The following UQCRC2 variants were observed in gnomAD, a reference collection of about 807,000 sequenced individuals.
The protein encoded by UQCRC2 is cytochrome b-c1 complex subunit 2, mitochondrial.
UQCRC2 carries 49 observed loss-of-function variants against 55.6 expected under a neutral mutation model. That is an observed-to-expected ratio of 0.88 (90% CI 0.70 to 1.12). The LOEUF (loss-of-function observed/expected upper bound fraction) is 1.12. Ranked by LOEUF, UQCRC2 falls within the 50% of genes most tolerant of loss-of-function variation. The probability of loss-of-function intolerance (pLI) is 0.00; values close to 1 mark genes in which losing one functional copy is unlikely to be tolerated. For synonymous variants in UQCRC2, 193 were observed against 192.0 expected, an observed-to-expected ratio of 1.01 and a Z score of -0.04; for missense variants, 506 against 547.8, an observed-to-expected ratio of 0.92 and a Z score of 0.76.
At chr16:21,958,999 A>T (rs938035636) in intron 4 of UQCRC2, among the ~76,000 whole-genome samples, 1 of 152,236 alleles carries the variant, frequency 6.6e-6, no homozygotes, top group African/African-American at 2.4e-5. Flanking sequence ...CCTTAATTTT[A>T]AAATATTTTA....
At chr16:21,977,595 A>C (rs1033355184) in intron 12 of UQCRC2, among the ~76,000 whole-genome samples, 3 of 152,228 alleles carry the variant, frequency 2.0e-5, no homozygotes, top group African/African-American at 7.2e-5. Flanking sequence ...CTCCTAATTC[A>C]TTAGTAGTTC....
chr16:21,981,072 A>G (rs1315979188), intron 13 of UQCRC2, among the ~76,000 whole-genome samples: 1 of 152,208 alleles, frequency 6.6e-6, no homozygotes, highest in African/African-American at 2.4e-5. Context: ...AAGAAGAGTC[A>G]AATATTAGCA....
At chr16:21,974,850 TGGAAGATATTG>T in intron 11 of UQCRC2, among the ~76,000 whole-genome samples, 1 of 152,250 alleles carries the variant, frequency 6.6e-6, no homozygotes, top group Non-Finnish European at 1.5e-5. Context: ...AGGCTAATAT[TGGAAGATATTG>T]GGAAGATGGG....
At chr16:21,976,434 C>CGCCTG in intron 12 of UQCRC2, 191 bp downstream of exon 12, 1 of 487,530 alleles carries the variant, frequency 2.1e-6, no homozygotes, top group Non-Finnish European at 3.6e-6. Flanking sequence ...CAGTGGCTCA[C>CGCCTG]TAATCCCAGC....
chr16:21,957,101 C>T, intron 1 of UQCRC2, 134 bp from the exon 2 acceptor site: 1 of 694,056 alleles, frequency 1.4e-6, no homozygotes, highest in Non-Finnish European at 2.4e-6. Flanking sequence ...GCAGGTAAAT[C>T]CTCCCATGGA....
intron 7 of UQCRC2, among the ~76,000 whole-genome samples, chr16:21,966,713 A>G (rs1427810290): frequency 1.3e-5 from 2 of 152,250 alleles, no homozygotes; most frequent in Non-Finnish European, 2.9e-5. Flanking sequence ...AGCCGTTTTC[A>G]TAAGACTGGA....
intron 7 of UQCRC2, among the ~76,000 whole-genome samples, chr16:21,966,537 C>T (rs1248957860): frequency 6.6e-6 from 1 of 152,142 alleles, no homozygotes; most frequent in Non-Finnish European, 1.5e-5. Flanking sequence ...ATATCTGACT[C>T]AAAAATTCAA....
chr16:21,954,776 G>T (rs1898062747), intron 1 of UQCRC2, among the ~76,000 whole-genome samples: 1 of 152,040 alleles, frequency 6.6e-6, no homozygotes, highest in Non-Finnish European at 1.5e-5. Flanking sequence ...GAGCGCGATG[G>T]CTCACACCTG....
intron 13 of UQCRC2, 151 bp from the exon 14 acceptor site, chr16:21,982,937 C>G: frequency 1.4e-6 from 1 of 705,442 alleles, no homozygotes; most frequent in Non-Finnish European, 2.3e-6. Flanking sequence ...GCACTCCACA[C>G]TGGGTGACAG....
chr16:21,974,022 T>TCC, intron 11 of UQCRC2, 46 bp downstream of exon 11: 1 of 1,435,346 alleles, frequency 7.0e-7, no homozygotes, highest in Admixed American at 2.4e-5. Flanking sequence ...AAGTTATTTC[T>TCC]CCCCCCCGCC....
At chr16:21,979,924 C>T (rs969665513) in intron 12 of UQCRC2, among the ~76,000 whole-genome samples, 2 of 152,142 alleles carry the variant, frequency 1.3e-5, no homozygotes, top group Non-Finnish European at 2.9e-5. Flanking sequence ...TTTTCCTAGG[C>T]TAGTGATATG....
intron 8 of UQCRC2, among the ~76,000 whole-genome samples, chr16:21,970,896 A>G (rs1174154381): frequency 6.6e-6 from 1 of 151,942 alleles, no homozygotes; most frequent in African/African-American, 2.4e-5. Flanking sequence ...AACTTTGGAG[A>G]AATGTCTATT....
intron 7 of UQCRC2, among the ~76,000 whole-genome samples, chr16:21,967,512 T>C (rs1014589572): frequency 1.3e-5 from 2 of 152,090 alleles, no homozygotes; most frequent in Non-Finnish European, 2.9e-5. Context: ...TGAAAGTACA[T>C]GTTTTAGCCC....
intron 7 of UQCRC2, 42 bp downstream of exon 7, chr16:21,965,547 T>G: frequency 6.9e-7 from 1 of 1,450,826 alleles, no homozygotes; most frequent in Non-Finnish European, 9.2e-7. Flanking sequence ...GTTTTTCACA[T>G]TAAATTGAAC....
chr16:21,982,294 A>T (rs994433869), intron 13 of UQCRC2, among the ~76,000 whole-genome samples: 1 of 152,178 alleles, frequency 6.6e-6, no homozygotes. Flanking sequence ...CACCTGACTC[A>T]TGATACTACA....
chr16:21,953,586 C>G, intron 1 of UQCRC2, 130 bp downstream of exon 1: 2 of 1,201,160 alleles, frequency 1.7e-6, no homozygotes, highest in South Asian at 3.0e-5. Flanking sequence ...ACCCTGCGGG[C>G]CAAGTGGGCT....
chr16:21,965,821 C>G (rs982643421), intron 7 of UQCRC2, among the ~76,000 whole-genome samples: 4 of 152,072 alleles, frequency 2.6e-5, no homozygotes, highest in African/African-American at 9.7e-5. Context: ...ATATTTTCTT[C>G]TAAACCGTTT....
intron 7 of UQCRC2, among the ~76,000 whole-genome samples, chr16:21,967,306 T>G (rs1409019278): frequency 3.3e-5 from 5 of 152,232 alleles, no homozygotes; most frequent in Non-Finnish European, 5.9e-5. Context: ...TTTAGCCCAG[T>G]GATTCTCAAA....
chr16:21,983,067 C>A, intron 13 of UQCRC2, 21 bp from the exon 14 acceptor site: 1 of 1,587,642 alleles, frequency 6.3e-7, no homozygotes, highest in Middle Eastern at 1.7e-4. Context: ...TTAATTTTGT[C>A]TTTTGTTTGT....
Sources: gnomAD v4.1 joint callset for allele counts (sites outside exome capture counted in the v4.1 genomes callset) on GRCh38, gnomAD v4.1.1 for gene constraint, MANE v1.5 for transcripts, NCBI Gene and HGNC (gene_info 2026-07-23, HGNC 2026-07-21) for gene names.